LUZP2: variants seen among roughly 807,000 people sequenced by gnomAD.
The protein encoded by LUZP2 is leucine zipper protein 2.
Under a neutral mutation model 51.6 loss-of-function variants are expected in LUZP2, and 52 were observed. That is an observed-to-expected ratio of 1.01 (90% CI 0.81 to 1.27). The LOEUF (loss-of-function observed/expected upper bound fraction) is 1.27, where lower values mean the gene tolerates loss of function less well. Ranked by LOEUF, LUZP2 falls within the 50% of genes most tolerant of loss-of-function variation. The probability of loss-of-function intolerance (pLI) is 0.00; values close to 1 mark genes in which losing one functional copy is unlikely to be tolerated. For missense variants in LUZP2, 436 were observed against 395.4 expected (o/e 1.10, Z -0.87); for synonymous variants, 154 against 137.3 (o/e 1.12, Z -0.85).
chr11:24,608,485 T>C (rs1854009201), intron 1 of LUZP2, among the ~76,000 whole-genome samples: 1 of 152,182 alleles, frequency 6.6e-6, no homozygotes, highest in African/African-American at 2.4e-5. Flanking sequence ...TGACAGGAAC[T>C]AAAACAATAA....
intron 9 of LUZP2, among the ~76,000 whole-genome samples, chr11:25,045,927 T>C (rs1858291625): frequency 1.3e-5 from 2 of 152,184 alleles, no homozygotes; most frequent in Non-Finnish European, 2.9e-5. Flanking sequence ...ACTCATAGTA[T>C]TAGCAAGAAG....
At chr11:24,851,510 T>C (rs889313359) in intron 5 of LUZP2, among the ~76,000 whole-genome samples, 1 of 152,200 alleles carries the variant, frequency 6.6e-6, no homozygotes, top group African/African-American at 2.4e-5. Context: ...TTTGCCAGTA[T>C]TTTATTGAGG....
intron 1 of LUZP2, among the ~76,000 whole-genome samples, chr11:24,547,079 T>G (rs539714734): frequency 3.9e-5 from 6 of 152,054 alleles, no homozygotes; most frequent in African/African-American, 1.4e-4. Flanking sequence ...TCTTTCTTGT[T>G]CAGTCTTCAG....
chr11:24,989,072 A>C (rs1341925679), intron 9 of LUZP2, among the ~76,000 whole-genome samples: 1 of 150,256 alleles, frequency 6.7e-6, no homozygotes, highest in Admixed American at 6.7e-5. Context: ...GAGGATCTAG[A>C]TATAAAAAGG....
chr11:24,661,179 C>G (rs955645058), intron 1 of LUZP2, among the ~76,000 whole-genome samples: 1 of 151,860 alleles, frequency 6.6e-6, no homozygotes, highest in African/African-American at 2.4e-5. Context: ...ACTTCATGCT[C>G]TAATACTCTA....
At chr11:24,711,371 A>G (rs1013634096) in intron 1 of LUZP2, among the ~76,000 whole-genome samples, 32 of 152,028 alleles carry the variant, frequency 2.1e-4, no homozygotes, top group African/African-American at 7.7e-4. Flanking sequence ...AATGGCGTGA[A>G]CCCGGGAGGC....
intron 5 of LUZP2, among the ~76,000 whole-genome samples, chr11:24,845,905 G>A (rs1851184434): frequency 6.6e-6 from 1 of 151,894 alleles, no homozygotes; most frequent in Non-Finnish European, 1.5e-5. Context: ...TCTGGAAACG[G>A]ACTAATAAAA....
chr11:24,519,439 T>C (rs1211148486), intron 1 of LUZP2, among the ~76,000 whole-genome samples: 3 of 152,178 alleles, frequency 2.0e-5, no homozygotes, highest in Non-Finnish European at 4.4e-5. Context: ...TTTTATTGTT[T>C]AGTTATGTTT....
chr11:24,963,939 G>C (rs958567467), intron 7 of LUZP2, among the ~76,000 whole-genome samples: 1 of 152,150 alleles, frequency 6.6e-6, no homozygotes, highest in Admixed American at 6.6e-5. Flanking sequence ...GTCTTAAATT[G>C]ACTATTGTAG....
intron 1 of LUZP2, among the ~76,000 whole-genome samples, chr11:24,593,497 T>C (rs550372189): frequency 8.5e-5 from 13 of 152,314 alleles, no homozygotes; most frequent in African/African-American, 2.6e-4. Context: ...CAGCTAAGCC[T>C]GGTGTCCACA....
chr11:24,922,892 A>G (rs1854110213), intron 7 of LUZP2, among the ~76,000 whole-genome samples: 1 of 120,424 alleles, frequency 8.3e-6, no homozygotes, highest in Non-Finnish European at 1.6e-5. Context: ...TCCATTGCCC[A>G]GGCTGGAGTG....
chr11:24,780,398 C>T (rs868150253), intron 5 of LUZP2, among the ~76,000 whole-genome samples: 1 of 152,112 alleles, frequency 6.6e-6, no homozygotes, highest in Non-Finnish European at 1.5e-5. Context: ...CGATCTTCCA[C>T]GCCTTGTTTT....
At chr11:24,581,245 T>C (rs1443255939) in intron 1 of LUZP2, among the ~76,000 whole-genome samples, 1 of 150,878 alleles carries the variant, frequency 6.6e-6, no homozygotes, top group Non-Finnish European at 1.5e-5. Flanking sequence ...AATACAATCC[T>C]GTCATAAAAA....
At chr11:24,769,904 T>C (rs1860345455) in intron 5 of LUZP2, among the ~76,000 whole-genome samples, 1 of 152,068 alleles carries the variant, frequency 6.6e-6, no homozygotes, top group African/African-American at 2.4e-5. Flanking sequence ...GCAATTCTCT[T>C]GCCCCAGCCT....
chr11:24,665,289 A>G (rs543872306), intron 1 of LUZP2, among the ~76,000 whole-genome samples: 17 of 152,106 alleles, frequency 1.1e-4, no homozygotes, highest in Non-Finnish European at 2.4e-4. Context: ...GTATTTACCC[A>G]TTGCCTGTAC....
chr11:24,681,842 G>A (rs10767237), intron 1 of LUZP2, among the ~76,000 whole-genome samples: 38,643 of 151,848 alleles, frequency 0.25, 5,132 homozygotes, highest in African/African-American at 0.33. Flanking sequence ...TAATTTAATT[G>A]GATTTTATGG....
chr11:24,707,346 T>C (rs1857628545), intron 1 of LUZP2, among the ~76,000 whole-genome samples: 1 of 151,796 alleles, frequency 6.6e-6, no homozygotes, highest in Non-Finnish European at 1.5e-5. Flanking sequence ...GTCTTTATAA[T>C]ATTTTAGGCC....
At chr11:24,784,949 T>C (rs956801320) in intron 5 of LUZP2, among the ~76,000 whole-genome samples, 4 of 152,038 alleles carry the variant, frequency 2.6e-5, no homozygotes, top group Non-Finnish European at 5.9e-5. Context: ...GATATTAGAA[T>C]TCACTTGGGA....
chr11:24,579,549 C>T (rs931357375), intron 1 of LUZP2, among the ~76,000 whole-genome samples: 2 of 152,016 alleles, frequency 1.3e-5, no homozygotes, highest in African/African-American at 2.4e-5. Context: ...TGATTCTTTG[C>T]TCTACAAATA....
Sources: allele counts gnomAD v4.1 joint callset (sites outside exome capture counted in the v4.1 genomes callset), GRCh38; gene constraint gnomAD v4.1.1; transcripts MANE v1.5; gene names NCBI Gene and HGNC (gene_info 2026-07-23, HGNC 2026-07-21).